Variants in RABGAP1L observed in about 807,000 individuals in gnomAD.
RABGAP1L encodes rab GTPase-activating protein 1-like.
Under a neutral mutation model 137.7 loss-of-function variants are expected in RABGAP1L, and 63 were observed. The ratio of observed to expected loss-of-function variants is 0.46; its 90% CI spans 0.37 to 0.56. The LOEUF is 0.56. Ranked by LOEUF, RABGAP1L falls within the 20% of genes least tolerant of loss-of-function variation. The probability of loss-of-function intolerance (pLI) is 0.00; values close to 1 mark genes in which losing one functional copy is unlikely to be tolerated. For synonymous variants in RABGAP1L, 431 were observed against 433.7 expected (o/e 0.99, Z 0.08); for missense variants, 1,095 against 1,244.0 (o/e 0.88, Z 1.80).
chr1:174,713,860 C>T (rs1680784230), intron 17 of RABGAP1L, among the ~76,000 whole-genome samples: 1 of 152,202 alleles, frequency 6.6e-6, no homozygotes, highest in African/African-American at 2.4e-5. Flanking sequence ...ATCTCCTATT[C>T]AGTAACTTCC....
chr1:174,194,764 A>C (rs1270444332), intron 1 of RABGAP1L, among the ~76,000 whole-genome samples: 2 of 152,202 alleles, frequency 1.3e-5, no homozygotes, highest in African/African-American at 4.8e-5. Context: ...CAGACAACAG[A>C]TAGGTGGTTG....
At chr1:174,874,854 A>G (rs1330840439) in intron 19 of RABGAP1L, among the ~76,000 whole-genome samples, 4 of 152,182 alleles carry the variant, frequency 2.6e-5, no homozygotes, top group Admixed American at 6.5e-5. Context: ...CAAATATAGT[A>G]CACTTAATAA....
At chr1:174,560,556 A>G (rs1211942280) in intron 13 of RABGAP1L, among the ~76,000 whole-genome samples, 2 of 152,100 alleles carry the variant, frequency 1.3e-5, no homozygotes, top group African/African-American at 4.8e-5. Context: ...TACTTTATTT[A>G]TTTACTTTTT....
At chr1:174,957,759 G>T in intron 20 of RABGAP1L, 5 of 773,494 alleles carry the variant, frequency 6.5e-6, no homozygotes, top group Non-Finnish European at 1.1e-5. Context: ...TAAAGCAGCA[G>T]TTGTGGCAAG....
intron 13 of RABGAP1L, among the ~76,000 whole-genome samples, chr1:174,421,896 G>A (rs1413867805): frequency 1.3e-5 from 2 of 152,174 alleles, no homozygotes; most frequent in African/African-American, 4.8e-5. Flanking sequence ...ATCCTCCTGA[G>A]TAGCTGGGAT....
intron 13 of RABGAP1L, among the ~76,000 whole-genome samples, chr1:174,407,768 G>A (rs1379179108): frequency 6.6e-6 from 1 of 152,128 alleles, no homozygotes; most frequent in Non-Finnish European, 1.5e-5. Flanking sequence ...CTTCTTGAAA[G>A]CACTTTTAGC....
At position 174,227,553 on chromosome 1, in the gene RABGAP1L, C is replaced by T. The variant is rs541057823; in HGVS notation, c.332-3592C>T. On this transcript the variant is annotated intron_variant, in intron 3 of 25. Transcript: ENST00000681986. ...ATATATTTGGATCTAAGTGTACTTA[C>T]TCTCTTGCTGTTTTTCTCTGTCTCT... is the stretch of plus-strand genomic sequence containing the variant. Among the ~76,000 whole-genome samples the T allele has an allele frequency of 4.4e-4, 67 of 152,234 alleles. 1 individual carries two copies. The South Asian group carries it at 0.013, about 30-fold the overall frequency.
chr1:174,619,036 A>G (rs1287399583), intron 13 of RABGAP1L, among the ~76,000 whole-genome samples: 2 of 152,258 alleles, frequency 1.3e-5, no homozygotes, highest in Non-Finnish European at 2.9e-5. Context: ...AAGAAAGGGT[A>G]TCAGTGATGG....
intron 11 of RABGAP1L, among the ~76,000 whole-genome samples, chr1:174,366,778 GAAAAA>G (rs71117562): frequency 4.2e-5 from 4 of 94,762 alleles, no homozygotes; most frequent in Middle Eastern, 5.6e-3. Context: ...CCGTCTCCAG[GAAAAA>G]AAAAAAAAAA....
intron 13 of RABGAP1L, chr1:174,545,094 A>G (rs1441680321): frequency 6.6e-6 from 1 of 152,592 alleles, no homozygotes; most frequent in Non-Finnish European, 1.5e-5. Flanking sequence ...CTCAGGTCCC[A>G]AACTACATGC....
At chr1:174,477,269 T>C (rs1253129829) in intron 13 of RABGAP1L, among the ~76,000 whole-genome samples, 2 of 152,224 alleles carry the variant, frequency 1.3e-5, no homozygotes, top group Admixed American at 6.6e-5. Flanking sequence ...CAAATAGCAT[T>C]GCAAGCTAAA....
At chr1:174,378,526 C>T (rs1047578166) in intron 12 of RABGAP1L, among the ~76,000 whole-genome samples, 2 of 152,064 alleles carry the variant, frequency 1.3e-5, no homozygotes, top group South Asian at 2.1e-4. Context: ...TTGCATTTCT[C>T]TGATGGCCAG....
intron 13 of RABGAP1L, among the ~76,000 whole-genome samples, chr1:174,517,349 C>T (rs1173305343): frequency 6.6e-6 from 1 of 152,056 alleles, no homozygotes; most frequent in Admixed American, 6.6e-5. Context: ...ATACCTTTTG[C>T]AATATTTTTA....
At chr1:174,833,449 G>GATATATGTATATATAT (rs1692368866) in intron 19 of RABGAP1L, among the ~76,000 whole-genome samples, 1 of 27,828 alleles carries the variant, frequency 3.6e-5, no homozygotes, top group Non-Finnish European at 1.1e-4. Context: ...TGTGTGTAGA[G>GATATATGTATATATAT]ATATATATAT....
chr1:174,889,154 C>T (rs1418304747), intron 19 of RABGAP1L, among the ~76,000 whole-genome samples: 3 of 146,668 alleles, frequency 2.0e-5, no homozygotes, highest in African/African-American at 5.0e-5. Flanking sequence ...GATGGAGTCT[C>T]GCTCTGTCAC....
intron 11 of RABGAP1L, among the ~76,000 whole-genome samples, chr1:174,368,818 A>G (rs907993156): frequency 2.0e-5 from 3 of 151,960 alleles, no homozygotes; most frequent in Admixed American, 6.5e-5. Context: ...TTTTGTTCTT[A>G]TGCTTAGGAA....
chr1:174,563,136 T>C (rs1056214517), intron 13 of RABGAP1L, among the ~76,000 whole-genome samples: 1 of 152,202 alleles, frequency 6.6e-6, no homozygotes. Context: ...ATATTTACTA[T>C]CTGGCTCTTT....
chr1:174,373,881 T>C lies in RABGAP1L; in HGVS notation c.1559+2809T>C, dbSNP rs530666210. ...AGCAGAATACAGAAGGGTGGACTTG[T>C]AGCTGATAGGCAGTGGGTAAATGAC... On this transcript the variant is annotated intron_variant, in intron 12 of 25. Coordinates refer to ENST00000681986, the MANE Select transcript of RABGAP1L (RefSeq NM_001366446.1). Among the ~76,000 whole-genome samples, 11 of 152,316 alleles carry C rather than the reference T, an allele frequency of 7.2e-5. 1 individual carries two copies. In the South Asian group the frequency reaches 2.3e-3, roughly 32 times the overall value.
At chr1:174,369,105 A>G (rs1239366561) in intron 11 of RABGAP1L, among the ~76,000 whole-genome samples, 1 of 152,200 alleles carries the variant, frequency 6.6e-6, no homozygotes, top group East Asian at 1.9e-4. Context: ...CCAATTTATA[A>G]GTACCTATAC....
Sources: allele counts gnomAD v4.1 joint callset (sites outside exome capture counted in the v4.1 genomes callset), GRCh38; gene constraint gnomAD v4.1.1; transcripts MANE v1.5; gene names NCBI Gene and HGNC (gene_info 2026-07-23, HGNC 2026-07-21).